PEMT: variants seen among roughly 807,000 people sequenced by gnomAD.
PEMT encodes the protein phosphatidylethanolamine N-methyltransferase.
In PEMT, 23 loss-of-function variants were observed where a neutral mutation model predicts 27.4. That is an observed-to-expected ratio of 0.84 (90% confidence interval 0.60 to 1.19). The LOEUF (loss-of-function observed/expected upper bound fraction) is 1.19. PEMT is among the 50% of genes most tolerant of loss of function. PEMT has a pLI of 0.00. For missense variants in PEMT, 307 were observed against 310.1 expected (o/e 0.99, Z 0.07); for synonymous variants, 137 against 139.1 (o/e 0.98, Z 0.11).
intron 1 of PEMT, among the ~76,000 whole-genome samples, chr17:17,589,898 C>T (rs1015500848): frequency 3.3e-5 from 5 of 152,246 alleles, no homozygotes; most frequent in African/African-American, 1.2e-4. Flanking sequence ...CAGCTCTCTC[C>T]AGCTGCACAG....
rs142052859 is a variant in PEMT, at chr17:17,565,568, G to T, written c.204+11352C>A. Among the ~76,000 whole-genome samples, 986 of 152,314 alleles carry T rather than the reference G, an allele frequency of 6.5e-3. 17 individuals are homozygous for T. Among genetic ancestry groups the T allele is most frequent in the African/African-American group, 0.023 (957 of 41,560 alleles). On this transcript the variant is annotated intron_variant, in intron 2 of 6. Coordinates refer to ENST00000255389, the MANE Select transcript of PEMT (RefSeq NM_148172.3). The stretch of plus-strand genomic sequence containing the variant: ...GGAGGGCGGGGAGTCAGGACAGGTG[G>T]CAGGAACAGGGCTGCCTCTAGGGCA...
intron 2 of PEMT, among the ~76,000 whole-genome samples, chr17:17,530,747 G>A (rs1908032061): frequency 1.3e-5 from 2 of 152,052 alleles, no homozygotes; most frequent in African/African-American, 4.8e-5. Flanking sequence ...CATTAATTAT[G>A]TTACTGTATT....
Position 17,509,587 on chromosome 17 carries a change from C to T in PEMT, c.467-42G>A, listed in dbSNP as rs1195720553. 6 of 1,368,552 alleles carry T rather than the reference C, an allele frequency of 4.4e-6. No individual in the cohort carries two copies. The South Asian group carries it at 4.7e-5, about 11-fold the overall frequency. 84.8% of individuals were successfully genotyped at this position (1,368,552 alleles called of 1,614,324 possible). ...GCAGGGTCCCTCGGCTATTCATCAG[C>T]CCTGGCCACACCATCACTGAGGGAG... On this transcript the variant is annotated intron_variant, in intron 4 of 6. Transcript: ENST00000255389.
At chr17:17,563,441 G>A (rs994290830) in intron 2 of PEMT, among the ~76,000 whole-genome samples, 4 of 152,122 alleles carry the variant, frequency 2.6e-5, no homozygotes, top group African/African-American at 9.7e-5. Flanking sequence ...TGAGTTCCAC[G>A]GAAATGCGAA....
At chr17:17,562,014 G>A (rs867128419) in intron 2 of PEMT, among the ~76,000 whole-genome samples, 21 of 152,246 alleles carry the variant, frequency 1.4e-4, no homozygotes, top group African/African-American at 4.6e-4. Context: ...CACGAGAGGC[G>A]CTTGGAGGGC....
chr17:17,575,210 A>G (rs1567745047), intron 2 of PEMT, among the ~76,000 whole-genome samples: 1 of 152,094 alleles, frequency 6.6e-6, no homozygotes, highest in Non-Finnish European at 1.5e-5. Flanking sequence ...TGGTCACTCC[A>G]GCCTCTGCCT....
intron 3 of PEMT, among the ~76,000 whole-genome samples, chr17:17,520,559 G>A (rs927489357): frequency 1.1e-4 from 16 of 152,232 alleles, no homozygotes; most frequent in East Asian, 3.9e-4. Context: ...CCCTGGGGCC[G>A]GAGAGCCTAG....
chr17:17,551,408 G>A (rs939967510), intron 2 of PEMT, among the ~76,000 whole-genome samples: 8 of 152,354 alleles, frequency 5.3e-5, no homozygotes, highest in East Asian at 1.9e-4. Flanking sequence ...GGCCACACAC[G>A]GTGGTGAGCT....
chr17:17,579,778 A>ATAGC (rs1179254594), intron 1 of PEMT, among the ~76,000 whole-genome samples: 1 of 152,234 alleles, frequency 6.6e-6, no homozygotes, highest in African/African-American at 2.4e-5. Flanking sequence ...TGTAGACAGA[A>ATAGC]TAGCTGAGTG....
chr17:17,505,937 G>A, intron 6 of PEMT, 89 bp from the exon 7 acceptor site: 1 of 1,471,012 alleles, frequency 6.8e-7, no homozygotes, highest in Non-Finnish European at 9.1e-7. Flanking sequence ...CAGCTTGAGG[G>A]TGTCCAGATG....
chr17:17,522,321 TAG>T lies in PEMT; in HGVS notation c.277_278del (p.Leu93LysfsTer64). The part of the protein sequence containing the change: ...FGSPYLACYS[L>X]SVTILLLNFL... ...AGTTCAGGAGCAGGATGGTGACGCT[TAG>T]AGAGTAGCAGGCCAGGTAGGGGGAT... is the stretch of plus-strand genomic sequence containing the variant. On this transcript the variant is annotated frameshift_variant, in exon 3 of 7. Coordinates refer to ENST00000255389, the MANE Select transcript of PEMT (RefSeq NM_148172.3). LOFTEE classifies it high-confidence loss of function. 6.2e-7 allele frequency: 1 copy of T among 1,613,758 alleles called. No homozygotes were observed. The highest frequency in any genetic ancestry group is 8.5e-7 in the Non-Finnish European group (1 of 1,179,870).
At chr17:17,560,715 C>T (rs935419693) in intron 2 of PEMT, among the ~76,000 whole-genome samples, 9 of 152,084 alleles carry the variant, frequency 5.9e-5, no homozygotes, top group African/African-American at 1.7e-4. Context: ...GCATGGTGAC[C>T]GGGTGACAGG....
intron 2 of PEMT, among the ~76,000 whole-genome samples, chr17:17,552,998 T>C (rs906863724): frequency 6.6e-6 from 1 of 152,212 alleles, no homozygotes; most frequent in Admixed American, 6.5e-5. Context: ...AACCCCTCAC[T>C]GGCCTCCCAG....
chr17:17,558,989 C>A (rs966706912), intron 2 of PEMT, among the ~76,000 whole-genome samples: 2 of 152,182 alleles, frequency 1.3e-5, no homozygotes, highest in African/African-American at 4.8e-5. Flanking sequence ...CATCCCAACC[C>A]TGCTCTCTCT....
chr17:17,548,529 G>A (rs1909417226), intron 2 of PEMT, among the ~76,000 whole-genome samples: 3 of 152,212 alleles, frequency 2.0e-5, no homozygotes, highest in African/African-American at 7.2e-5. Context: ...ACCAGAGTCT[G>A]TGACGGCTTC....
intron 2 of PEMT, among the ~76,000 whole-genome samples, chr17:17,528,485 C>T (rs1907857665): frequency 1.3e-5 from 2 of 152,228 alleles, no homozygotes; most frequent in South Asian, 2.1e-4. Context: ...CGCTCCGAGG[C>T]CTTCTCTCCT....
chr17:17,540,150 G>T (rs1908780474), intron 2 of PEMT, among the ~76,000 whole-genome samples: 1 of 152,252 alleles, frequency 6.6e-6, no homozygotes, highest in Non-Finnish European at 1.5e-5. Flanking sequence ...TGGGGATGGG[G>T]CAGGGGCGCA....
intron 2 of PEMT, among the ~76,000 whole-genome samples, chr17:17,568,395 TA>T: frequency 6.6e-6 from 1 of 152,366 alleles, no homozygotes; most frequent in East Asian, 1.9e-4. Flanking sequence ...TTTTTCTATG[TA>T]ACATCTAATG....
At chr17:17,509,570 C>G in intron 4 of PEMT, 25 bp from the exon 5 acceptor site, 1 of 1,521,112 alleles carries the variant, frequency 6.6e-7, no homozygotes, top group Non-Finnish European at 9.1e-7. Context: ...AGGCAGGGTC[C>G]CTCGGCTATT....
Sources: gnomAD v4.1 joint callset for allele counts (sites outside exome capture counted in the v4.1 genomes callset) on GRCh38, gnomAD v4.1.1 for gene constraint, MANE v1.5 for transcripts, NCBI Gene and HGNC (gene_info 2026-07-23, HGNC 2026-07-21) for gene names.